PKN2: variants seen among roughly 807,000 people sequenced by gnomAD.
PKN2 encodes the protein protein kinase N2, also known as serine/threonine-protein kinase N2.
A neutral mutation model predicts 119.1 loss-of-function variants in PKN2; 38 were observed. The ratio of observed to expected loss-of-function variants is 0.32; its 90% confidence interval spans 0.25 to 0.42. The LOEUF (loss-of-function observed/expected upper bound fraction) is 0.42, where lower values mean the gene tolerates loss of function less well. Among genes scored for constraint, PKN2 ranks in the 10% least tolerant of loss-of-function variants. PKN2 has a pLI of 1.00. For missense variants in PKN2, 850 were observed against 1,165.1 expected, an observed-to-expected ratio of 0.73 and a Z score of 3.94; for synonymous variants, 390 against 384.9, an observed-to-expected ratio of 1.01 and a Z score of -0.15.
chr1:88,760,826 C>A lies in PKN2; in HGVS notation c.504+450C>A, dbSNP rs188537587. Among the ~76,000 whole-genome samples the A allele has an allele frequency of 1.1e-3, 170 of 151,636 alleles. 2 individuals carry two copies. Among genetic ancestry groups the A allele is most frequent in the African/African-American group, 3.9e-3 (162 of 41,332 alleles). On this transcript the variant is annotated intron_variant, in intron 3 of 21. Coordinates refer to ENST00000370521, the MANE Select transcript of PKN2 (RefSeq NM_006256.4). ...GGTAACATTTTAAAAATTGTTTATT[C>A]CTACCAAGACCCAGTTAATAAAAAA...
intron 1 of PKN2, among the ~76,000 whole-genome samples, chr1:88,703,200 A>C (rs1004859183): frequency 1.3e-5 from 2 of 152,074 alleles, no homozygotes; most frequent in African/African-American, 4.8e-5. Flanking sequence ...TGAGCAACCA[A>C]AGTTTTTTTT....
chr1:88,684,466 T>TG lies in PKN2; in HGVS notation c.-114dup, dbSNP rs1369069096. ...GGCTGCGCCTCCATGAATCCCTAGT[T>TG]GTTTTTTTTTTTTTCTTTCTCTCCC... On this transcript the variant is annotated 5_prime_UTR_variant, in exon 1 of 22. Transcript: ENST00000370521. 1.1e-5 allele frequency: 9 copies of TG among 851,602 alleles called. No homozygotes were observed. The highest frequency in any genetic ancestry group is 1.6e-5 in the Non-Finnish European group (9 of 572,016). 52.8% of individuals were successfully genotyped at this position (851,602 alleles called of 1,614,324 possible). A position where few individuals can be genotyped will look rare whatever the true frequency, so the allele number is the denominator to read the frequency against.
intron 2 of PKN2, among the ~76,000 whole-genome samples, chr1:88,748,245 G>T (rs1017392954): frequency 2.0e-5 from 3 of 152,138 alleles, no homozygotes. Context: ...TTCTTTCTTC[G>T]TAGTCACACC....
At chr1:88,831,842 T>C (rs1367861175) in intron 19 of PKN2, among the ~76,000 whole-genome samples, 1 of 152,050 alleles carries the variant, frequency 6.6e-6, no homozygotes, top group African/African-American at 2.4e-5. Flanking sequence ...TTTAGACATT[T>C]GTTTCCTGAT....
intron 1 of PKN2, among the ~76,000 whole-genome samples, chr1:88,729,009 C>T (rs1044687998): frequency 1.3e-5 from 2 of 151,816 alleles, no homozygotes; most frequent in Non-Finnish European, 2.9e-5. Context: ...ATTCTCCTGC[C>T]TCAGCCTCCT....
At chr1:88,707,583 AATATCTTCAAGTTAGCC>A (rs1472385859) in intron 1 of PKN2, among the ~76,000 whole-genome samples, 9 of 152,138 alleles carry the variant, frequency 5.9e-5, no homozygotes, top group Admixed American at 5.9e-4. Flanking sequence ...TGAGCAAACG[AATATCTTCAAGTTAGCC>A]ATATGTTGAT....
At chr1:88,747,695 T>C (rs181653040) in intron 2 of PKN2, among the ~76,000 whole-genome samples, 17 of 152,224 alleles carry the variant, frequency 1.1e-4, no homozygotes, top group African/African-American at 3.4e-4. Context: ...CTTGTACCAT[T>C]CTTATATTTT....
chr1:88,717,773 G>T lies in PKN2; in HGVS notation c.49-23215G>T, dbSNP rs957916543. On this transcript the variant is annotated intron_variant, in intron 1 of 21. Coordinates refer to ENST00000370521, the MANE Select transcript of PKN2 (RefSeq NM_006256.4). Reference sequence around the variant, plus strand: ...TAGCTCGGAGAAGTTTGTTATTACCGATCTTCCGAAGCCTACTTCTGTCAA... The same window carrying T: ...TAGCTCGGAGAAGTTTGTTATTACCTATCTTCCGAAGCCTACTTCTGTCAA... 2.0e-5 allele frequency among the ~76,000 whole-genome samples: 3 copies of T among 151,904 alleles called. No individual in the cohort carries two copies. In the South Asian group the frequency reaches 6.2e-4, roughly 31 times the overall value.
intron 1 of PKN2, among the ~76,000 whole-genome samples, chr1:88,691,270 G>T (rs1183579246): frequency 6.6e-6 from 1 of 151,812 alleles, no homozygotes; most frequent in African/African-American, 2.4e-5. Flanking sequence ...TTGCCATGTT[G>T]CCCGGGTTGG....
intron 3 of PKN2, among the ~76,000 whole-genome samples, chr1:88,767,108 A>G (rs1053537078): frequency 3.9e-5 from 6 of 152,186 alleles, no homozygotes; most frequent in African/African-American, 1.4e-4. Context: ...CATTTACATT[A>G]GAACTTCATT....
chr1:88,821,349 G>A (rs562616456), intron 16 of PKN2, among the ~76,000 whole-genome samples: 30 of 151,778 alleles, frequency 2.0e-4, no homozygotes, highest in Admixed American at 1.7e-3. Flanking sequence ...TCCATCCTTC[G>A]CATTGCTACC....
intron 1 of PKN2, among the ~76,000 whole-genome samples, chr1:88,715,516 A>C (rs1201680310): frequency 6.6e-6 from 1 of 152,136 alleles, no homozygotes; most frequent in East Asian, 1.9e-4. Flanking sequence ...GTGTCCAGGA[A>C]TTTATCCATT....
chr1:88,704,778 CAA>C (rs35670791), intron 1 of PKN2, among the ~76,000 whole-genome samples: 8 of 75,944 alleles, frequency 1.1e-4, no homozygotes, highest in East Asian at 3.6e-4. Context: ...GACCCTGTCT[CAA>C]AAAAAAAAAA....
At chr1:88,739,039 A>G (rs1668469310) in intron 1 of PKN2, among the ~76,000 whole-genome samples, 1 of 152,244 alleles carries the variant, frequency 6.6e-6, no homozygotes, top group Non-Finnish European at 1.5e-5. Context: ...GTATAGTGAC[A>G]GATCAGAAAT....
At chr1:88,778,554 A>C (rs576823087) in intron 6 of PKN2, among the ~76,000 whole-genome samples, 48 of 152,312 alleles carry the variant, frequency 3.2e-4, no homozygotes, top group Non-Finnish European at 2.8e-4. Context: ...TTTATTCTCC[A>C]AAGCATTTCC....
chr1:88,807,156 A>AG (rs1238540845), intron 12 of PKN2, among the ~76,000 whole-genome samples, 157 bp from the exon 13 acceptor site: 1 of 152,110 alleles, frequency 6.6e-6, no homozygotes, highest in Non-Finnish European at 1.5e-5. Context: ...CTCTAAAAAA[A>AG]GAAAAAAAAA....
chr1:88,829,167 A>G, intron 19 of PKN2: 2 of 739,892 alleles, frequency 2.7e-6, no homozygotes, highest in Admixed American at 3.5e-5. Flanking sequence ...TGTCAAATTG[A>G]TATCATCCGA....
chr1:88,729,702 C>CCT (rs1246141557), intron 1 of PKN2, among the ~76,000 whole-genome samples: 1 of 152,102 alleles, frequency 6.6e-6, no homozygotes, highest in Non-Finnish European at 1.5e-5. Context: ...AGTCAGAGTC[C>CCT]CTCAGAAGAC....
chr1:88,698,394 A>G (rs1223058009), intron 1 of PKN2, among the ~76,000 whole-genome samples: 3 of 151,406 alleles, frequency 2.0e-5, no homozygotes, highest in Non-Finnish European at 4.4e-5. Flanking sequence ...CAAGTTTTAC[A>G]GTAAACAAGA....
Sources: allele counts gnomAD v4.1 joint callset (sites outside exome capture counted in the v4.1 genomes callset), GRCh38; gene constraint gnomAD v4.1.1; transcripts MANE v1.5; gene names NCBI Gene and HGNC (gene_info 2026-07-23, HGNC 2026-07-21).